The following ADAMTS18 variants were observed in gnomAD, a reference collection of about 807,000 sequenced individuals.
ADAMTS18 encodes the protein ADAM metallopeptidase with thrombospondin type 1 motif 18.
A neutral mutation model predicts 165.9 loss-of-function variants in ADAMTS18; 157 were observed. That is an observed-to-expected ratio of 0.95 (90% CI 0.83 to 1.08). The LOEUF (loss-of-function observed/expected upper bound fraction) is 1.08, where lower values mean the gene tolerates loss of function less well. ADAMTS18 is among the 50% of genes least tolerant of loss of function. The probability of loss-of-function intolerance (pLI) is 0.00; values close to 1 mark genes in which losing one functional copy is unlikely to be tolerated. For synonymous variants in ADAMTS18, 782 were observed against 578.2 expected (o/e 1.35, Z -5.06); for missense variants, 2,040 against 1,534.0 (o/e 1.33, Z -5.51).
At chr16:77,389,982 G>A (rs967531324) in intron 3 of ADAMTS18, among the ~76,000 whole-genome samples, 14 of 152,164 alleles carry the variant, frequency 9.2e-5, no homozygotes, top group African/African-American at 3.4e-4. Flanking sequence ...CACTGAAATA[G>A]CCAGAATTCT....
At chr16:77,408,621 T>A (rs767655833) in intron 3 of ADAMTS18, among the ~76,000 whole-genome samples, 1 of 152,164 alleles carries the variant, frequency 6.6e-6, no homozygotes, top group Non-Finnish European at 1.5e-5. Flanking sequence ...CTCTATTGAT[T>A]GCATGTATAC....
At chr16:77,348,185 T>C (rs1347990717) in intron 10 of ADAMTS18, among the ~76,000 whole-genome samples, 1 of 152,150 alleles carries the variant, frequency 6.6e-6, no homozygotes, top group African/African-American at 2.4e-5. Flanking sequence ...TCCTTTCTGC[T>C]GGATTCAGGG....
chr16:77,373,862 C>G (rs968852002), intron 3 of ADAMTS18, among the ~76,000 whole-genome samples: 4 of 152,184 alleles, frequency 2.6e-5, no homozygotes, highest in African/African-American at 9.7e-5. Context: ...ATTGCACACT[C>G]TGTGACAGCA....
chr16:77,353,751 G>A lies in ADAMTS18; in HGVS notation c.1596C>T (p.Cys532=), dbSNP rs772596523. Residue 532 remains cysteine (C), a synonymous_variant, in exon 10 of 23, where the codon TGC becomes TGT. Transcript: ENST00000282849. ...KWQFGAKAKL[C]SLGFVKDICK... is the part of the protein sequence containing the mutation. ...AACATACCTTCACAAAACCAAGGCTGCATAACTTGGCTTTTGCTCCAAATT... is the reference window on the plus strand; with the variant it reads ...AACATACCTTCACAAAACCAAGGCTACATAACTTGGCTTTTGCTCCAAATT... The A allele has an allele frequency of 4.3e-6, 7 of 1,614,018 alleles. No homozygotes were observed. Among genetic ancestry groups the A allele is most frequent in the Non-Finnish European group, 8.5e-7 (1 of 1,180,040 alleles).
chr16:77,431,334 G>A lies in ADAMTS18; in HGVS notation c.456C>T (p.Asp152=), dbSNP rs751884397. The change falls in exon 3 of 23, where the codon GAC becomes GAT. Residue 152 remains aspartate (D), a synonymous_variant. Transcript: ENST00000282849. The stretch of plus-strand genomic sequence containing the variant: ...TAGACACAGCGACAGAGGAGGAGCT[G>A]TCATTTCTGATAAATCCCTGATAGA... ...QCFYQGFIRN[D]SSSSVAVSTC... The A allele has an allele frequency of 4.3e-6, 7 of 1,614,166 alleles. No homozygotes were observed. The highest frequency in any genetic ancestry group is 5.9e-6 in the Non-Finnish European group (7 of 1,180,032).
At chr16:77,311,054 A>G (rs2055770422) in intron 16 of ADAMTS18, among the ~76,000 whole-genome samples, 1 of 152,166 alleles carries the variant, frequency 6.6e-6, no homozygotes, top group African/African-American at 2.4e-5. Flanking sequence ...ATGAAAATGA[A>G]ATTTAGCTAA....
chr16:77,386,972 C>G (rs1304490304), intron 3 of ADAMTS18, among the ~76,000 whole-genome samples: 1 of 152,174 alleles, frequency 6.6e-6, no homozygotes, highest in Non-Finnish European at 1.5e-5. Flanking sequence ...GTTGGGTGAA[C>G]TATGCTTGCC....
chr16:77,289,860 G>A (rs1042549612), intron 21 of ADAMTS18, among the ~76,000 whole-genome samples: 27 of 152,264 alleles, frequency 1.8e-4, no homozygotes, highest in African/African-American at 5.5e-4. Flanking sequence ...TTAGGTCCTC[G>A]GTGCCCAGCC....
At chr16:77,431,696 C>G (rs369596562) in intron 2 of ADAMTS18, 85 bp from the exon 3 acceptor site, 1 of 1,352,746 alleles carries the variant, frequency 7.4e-7, no homozygotes. Flanking sequence ...AAGAGCAACA[C>G]AAAGCTCAAA....
intron 18 of ADAMTS18, 79 bp downstream of exon 18, chr16:77,297,210 T>C: frequency 6.4e-7 from 1 of 1,570,932 alleles, no homozygotes; most frequent in Non-Finnish European, 8.8e-7. Context: ...GTATTCACAG[T>C]GAGCTTTCAT....
At chr16:77,410,318 G>GA (rs2057445505) in intron 3 of ADAMTS18, among the ~76,000 whole-genome samples, 1 of 147,820 alleles carries the variant, frequency 6.8e-6, no homozygotes, top group Non-Finnish European at 1.5e-5. Flanking sequence ...TTCCTACAAA[G>GA]AATCAAAAAT....
intron 3 of ADAMTS18, among the ~76,000 whole-genome samples, chr16:77,396,014 T>TA (rs1170419860): frequency 1.3e-5 from 2 of 152,150 alleles, no homozygotes; most frequent in Non-Finnish European, 2.9e-5. Flanking sequence ...CACCCTAGGG[T>TA]AGGGACAAGA....
At position 77,297,491 on chromosome 16, in the gene ADAMTS18, T is replaced by C; in HGVS notation, c.2675-76A>G. On this transcript the variant is annotated intron_variant, in intron 17 of 22. Transcript: ENST00000282849. ...ATTTGGTTCTAAGTTTAGCTTCTGA[T>C]TTACCAGCATTGTGATATTTTATTT... is the stretch of plus-strand genomic sequence containing the variant. 2.1e-6 allele frequency: 3 copies of C among 1,403,436 alleles called. No homozygotes were observed. In the South Asian group the frequency reaches 3.5e-5, roughly 16 times the overall value. 86.9% of individuals were successfully genotyped at this position (1,403,436 alleles called of 1,614,324 possible). A position where few individuals can be genotyped will look rare whatever the true frequency, so the allele number is the denominator to read the frequency against.
chr16:77,363,214 G>A (rs8057114), intron 6 of ADAMTS18, among the ~76,000 whole-genome samples: 1 of 152,030 alleles, frequency 6.6e-6, no homozygotes, highest in Non-Finnish European at 1.5e-5. Context: ...ACATGTTCTG[G>A]TTTTCATAAT....
chr16:77,425,890 A>C (rs758759146), intron 3 of ADAMTS18, among the ~76,000 whole-genome samples: 5 of 152,038 alleles, frequency 3.3e-5, no homozygotes, highest in African/African-American at 4.8e-5. Context: ...TAAAAATAAC[A>C]AAAAAATTAG....
intron 11 of ADAMTS18, among the ~76,000 whole-genome samples, chr16:77,337,807 A>G (rs976369285): frequency 1.1e-4 from 16 of 152,204 alleles, no homozygotes; most frequent in African/African-American, 3.9e-4. Context: ...GAATGTACAC[A>G]CAGACCTGCA....
chr16:77,358,183 G>A (rs1276835438), intron 8 of ADAMTS18, among the ~76,000 whole-genome samples: 2 of 152,156 alleles, frequency 1.3e-5, no homozygotes, highest in East Asian at 3.8e-4. Context: ...GTCTAAATGT[G>A]TGTGTGTGTG....
chr16:77,376,700 A>G (rs2056958511), intron 3 of ADAMTS18, among the ~76,000 whole-genome samples: 1 of 152,194 alleles, frequency 6.6e-6, no homozygotes, highest in South Asian at 2.1e-4. Context: ...CCCAGAGTCA[A>G]TATTCTATTT....
At chr16:77,366,678 A>T (rs1257294606) in intron 4 of ADAMTS18, among the ~76,000 whole-genome samples, 1 of 152,230 alleles carries the variant, frequency 6.6e-6, no homozygotes, top group Non-Finnish European at 1.5e-5. Flanking sequence ...AATTTTATAC[A>T]AGTTAAATGC....
Sources: allele counts gnomAD v4.1 joint callset (sites outside exome capture counted in the v4.1 genomes callset), GRCh38; gene constraint gnomAD v4.1.1; transcripts MANE v1.5; gene names NCBI Gene and HGNC (gene_info 2026-07-23, HGNC 2026-07-21).